Variants in CCDC150 observed in about 807,000 individuals in gnomAD.
CCDC150 encodes coiled-coil domain containing 150.
CCDC150 carries 151 observed loss-of-function variants against 156.5 expected under a neutral mutation model. The ratio of observed to expected loss-of-function variants is 0.97; its 90% CI spans 0.85 to 1.10. CCDC150 has a LOEUF of 1.10. Among genes scored for constraint, CCDC150 ranks in the 50% least tolerant of loss-of-function variants. The probability of loss-of-function intolerance (pLI) is 0.00; values close to 1 mark genes in which losing one functional copy is unlikely to be tolerated. For missense variants in CCDC150, 1,312 were observed against 1,268.1 expected, an observed-to-expected ratio of 1.03 and a Z score of -0.53; for synonymous variants, 452 against 429.4, an observed-to-expected ratio of 1.05 and a Z score of -0.65.
In CCDC150 at chr2:196,670,833, A is replaced by G. The variant is rs556179669; in HGVS notation, c.936+957A>G. ...GAATCTCAATATAAGAATGGATTTA[A>G]TAAACAGTTTTCAAAAAATAGGCTT... On this transcript the variant is annotated intron_variant, in intron 8 of 27. Coordinates refer to ENST00000389175, the MANE Select transcript of CCDC150 (RefSeq NM_001080539.2). 5.3e-5 allele frequency among the ~76,000 whole-genome samples: 8 copies of G among 152,328 alleles called. No individual in the cohort carries two copies. In the South Asian group the frequency reaches 1.7e-3, roughly 32 times the overall value.
At chr2:196,641,071 T>C (rs1023802497) in intron 1 of CCDC150, among the ~76,000 whole-genome samples, 1 of 152,218 alleles carries the variant, frequency 6.6e-6, no homozygotes, top group Non-Finnish European at 1.5e-5. Flanking sequence ...CACACCATTC[T>C]CCTGCCTCAG....
In CCDC150 at chr2:196,697,243, A is replaced by G. The variant is rs78772029; in HGVS notation, c.1623+2084A>G. Reference sequence around the variant, plus strand: ...GCCAGGCAGTAAGGATTAATATCATATTGCAATAATAAATATTATTCTCTG... The same window carrying G: ...GCCAGGCAGTAAGGATTAATATCATGTTGCAATAATAAATATTATTCTCTG... On this transcript the variant is annotated intron_variant, in intron 14 of 27. Transcript: ENST00000389175. Among the ~76,000 whole-genome samples, 1,089 of 152,272 alleles carry G rather than the reference A, an allele frequency of 7.2e-3. 11 individuals carry two copies. Among genetic ancestry groups the G allele is most frequent in the African/African-American group, 0.025 (1,033 of 41,546 alleles).
Position 196,718,708 on chromosome 2 carries a change from G to T in CCDC150, c.1995+77G>T, listed in dbSNP as rs949859066. On this transcript the variant is annotated intron_variant, in intron 18 of 27. Coordinates refer to ENST00000389175, the MANE Select transcript of CCDC150 (RefSeq NM_001080539.2). ...AAATCTTTCATGAGCCATATGTTTCGCTTTCTTGCTTCCATTAGAATAAGG... is the reference window on the plus strand; with the variant it reads ...AAATCTTTCATGAGCCATATGTTTCTCTTTCTTGCTTCCATTAGAATAAGG... 4 of 1,508,874 alleles carry T rather than the reference G, an allele frequency of 2.7e-6. No individual in the cohort carries two copies. The African/African-American group carries it at 4.1e-5, about 16-fold the overall frequency. 93.5% of individuals were successfully genotyped at this position (1,508,874 alleles called of 1,614,324 possible).
intron 2 of CCDC150, among the ~76,000 whole-genome samples, chr2:196,649,866 G>A (rs2125573648): frequency 6.6e-6 from 1 of 152,276 alleles, no homozygotes; most frequent in African/African-American, 2.4e-5. Flanking sequence ...CAACTTTACT[G>A]AATTCATTTA....
chr2:196,715,641 G>A (rs982116248), intron 17 of CCDC150, among the ~76,000 whole-genome samples: 5 of 152,178 alleles, frequency 3.3e-5, no homozygotes, highest in African/African-American at 7.2e-5. Context: ...AAACGGTGCC[G>A]GGATAATTGG....
intron 12 of CCDC150, 97 bp from the exon 13 acceptor site, chr2:196,677,196 G>C (rs1365452240): frequency 1.3e-5 from 10 of 787,752 alleles, no homozygotes; most frequent in Non-Finnish European, 1.1e-5. Context: ...CTGCAGTGTA[G>C]GTATTAATTG....
rs773250406 is a variant in CCDC150 at position 196,646,329 on chromosome 2, C to T, written c.13-12C>T. ...AGGACCTACCACACTAAGATTGTGA[C>T]TGTATTCTTAGGTACATATGGAAAC... On this transcript the variant is annotated splice_polypyrimidine_tract_variant and intron_variant, in intron 1 of 27. Coordinates refer to ENST00000389175, the MANE Select transcript of CCDC150 (RefSeq NM_001080539.2). 6.2e-7 allele frequency: 1 copy of T among 1,611,780 alleles called. No homozygotes were observed.
At chr2:196,646,043 C>CATGACACATACATTCATGTA in intron 1 of CCDC150, among the ~76,000 whole-genome samples, 1 of 152,306 alleles carries the variant, frequency 6.6e-6, no homozygotes, top group Admixed American at 6.5e-5. Context: ...GACATCCACA[C>CATGACACATACATTCATGTA]TGTATATCAT....
chr2:196,652,307 A>G (rs906851801), intron 2 of CCDC150, among the ~76,000 whole-genome samples: 1 of 152,210 alleles, frequency 6.6e-6, no homozygotes, highest in African/African-American at 2.4e-5. Flanking sequence ...AGTTCTTTCT[A>G]CCTGTGAACC....
intron 5 of CCDC150, among the ~76,000 whole-genome samples, chr2:196,664,990 G>T (rs1693758630): frequency 6.6e-6 from 1 of 152,124 alleles, no homozygotes; most frequent in South Asian, 2.1e-4. Context: ...TTCCAGAATA[G>T]AATGAAAACA....
chr2:196,692,741 T>G (rs969799927), intron 13 of CCDC150, among the ~76,000 whole-genome samples: 2 of 152,222 alleles, frequency 1.3e-5, no homozygotes, highest in Non-Finnish European at 2.9e-5. Context: ...TTGCTTCCAA[T>G]TATGTGATCA....
chr2:196,681,260 T>G (rs1694802478), intron 13 of CCDC150, among the ~76,000 whole-genome samples: 1 of 152,318 alleles, frequency 6.6e-6, no homozygotes, highest in South Asian at 2.1e-4. Flanking sequence ...GCTTTTGGGG[T>G]TCTTCAACAT....
At chr2:196,678,721 G>T (rs574093389) in intron 13 of CCDC150, among the ~76,000 whole-genome samples, 1 of 152,170 alleles carries the variant, frequency 6.6e-6, no homozygotes, top group East Asian at 1.9e-4. Flanking sequence ...TGGCCAACAA[G>T]GCAAAACCCT....
At chr2:196,717,169 G>A (rs771163963) in intron 17 of CCDC150, among the ~76,000 whole-genome samples, 22 of 152,064 alleles carry the variant, frequency 1.4e-4, no homozygotes, top group Non-Finnish European at 2.9e-4. Context: ...GATTACAGGG[G>A]TGAGCCACCA....
chr2:196,675,527 G>A (rs1323945955), intron 10 of CCDC150, among the ~76,000 whole-genome samples: 2 of 152,088 alleles, frequency 1.3e-5, no homozygotes, highest in African/African-American at 4.8e-5. Flanking sequence ...AAAACTTTAT[G>A]GATTATGTGT....
At chr2:196,646,149 G>A (rs1027545729) in intron 1 of CCDC150, among the ~76,000 whole-genome samples, 192 bp from the exon 2 acceptor site, 7 of 152,126 alleles carry the variant, frequency 4.6e-5, no homozygotes, top group African/African-American at 1.7e-4. Flanking sequence ...CATAGGGGAG[G>A]GAAAAGAGAG....
intron 19 of CCDC150, chr2:196,720,265 C>T: frequency 3.0e-6 from 1 of 329,490 alleles, no homozygotes; most frequent in Non-Finnish European, 6.1e-6. Flanking sequence ...TTTTACATTA[C>T]ATATTGTTTA....
At chr2:196,672,812 T>C (rs1694285263) in intron 9 of CCDC150, among the ~76,000 whole-genome samples, 1 of 152,148 alleles carries the variant, frequency 6.6e-6, no homozygotes, top group Non-Finnish European at 1.5e-5. Flanking sequence ...TAGTAAATAA[T>C]TATACAGTAG....
chr2:196,687,166 A>G (rs1695171837), intron 13 of CCDC150, among the ~76,000 whole-genome samples: 1 of 152,208 alleles, frequency 6.6e-6, no homozygotes, highest in Non-Finnish European at 1.5e-5. Context: ...TTCTGTCTTC[A>G]GGAATTTGAG....
Sources: gnomAD v4.1 joint callset for allele counts (sites outside exome capture counted in the v4.1 genomes callset) on GRCh38, gnomAD v4.1.1 for gene constraint, MANE v1.5 for transcripts, NCBI Gene and HGNC (gene_info 2026-07-23, HGNC 2026-07-21) for gene names.